CCDC178: variants seen among roughly 807,000 people sequenced by gnomAD.
CCDC178 encodes coiled-coil domain containing 178.
Under a neutral mutation model 117.4 loss-of-function variants are expected in CCDC178, and 126 were observed. The observed-to-expected ratio is 1.07, with a 90% CI of 0.93 to 1.24. The LOEUF is 1.24. CCDC178 is among the 50% of genes most tolerant of loss of function. The probability of loss-of-function intolerance (pLI) is 0.00; values close to 1 mark genes in which losing one functional copy is unlikely to be tolerated. For missense variants in CCDC178, 1,030 were observed against 986.9 expected, an observed-to-expected ratio of 1.04 and a Z score of -0.59; for synonymous variants, 283 against 313.4, an observed-to-expected ratio of 0.90 and a Z score of 1.02.
chr18:33,224,664 T>C, intron 17 of CCDC178, 111 bp downstream of exon 17: 2 of 617,392 alleles, frequency 3.2e-6, no homozygotes, highest in Non-Finnish European at 5.0e-6. Flanking sequence ...AGTTACTTAG[T>C]TTGCCCCTAT....
chr18:33,309,590 T>C (rs1271612897), intron 11 of CCDC178, among the ~76,000 whole-genome samples: 3 of 152,262 alleles, frequency 2.0e-5, no homozygotes, highest in East Asian at 3.9e-4. Flanking sequence ...AATTACGAAG[T>C]GGTTTCATCT....
intron 5 of CCDC178, among the ~76,000 whole-genome samples, chr18:33,374,486 C>T (rs1435794859): frequency 6.6e-6 from 1 of 152,058 alleles, no homozygotes; most frequent in Non-Finnish European, 1.5e-5. Flanking sequence ...GTTTGCAATG[C>T]CCAGTATCAG....
At chr18:33,057,985 AAAAG>A in intron 21 of CCDC178, among the ~76,000 whole-genome samples, 1 of 152,200 alleles carries the variant, frequency 6.6e-6, no homozygotes, top group East Asian at 1.9e-4. Context: ...CTAAAATAAA[AAAAG>A]AGAGACAATA....
intron 20 of CCDC178, among the ~76,000 whole-genome samples, chr18:33,165,660 G>A (rs572084635): frequency 6.6e-6 from 1 of 152,148 alleles, no homozygotes; most frequent in Admixed American, 6.5e-5. Context: ...TATGTCAAAT[G>A]GTTTAGTCTG....
intron 18 of CCDC178, among the ~76,000 whole-genome samples, chr18:33,219,476 C>T (rs1194349175): frequency 3.9e-5 from 6 of 152,092 alleles, no homozygotes; most frequent in African/African-American, 4.8e-5. Context: ...CACATTCACA[C>T]GTATGTTTAT....
At chr18:32,955,991 T>C (rs1277375127) in intron 22 of CCDC178, among the ~76,000 whole-genome samples, 1 of 152,218 alleles carries the variant, frequency 6.6e-6, no homozygotes, top group Non-Finnish European at 1.5e-5. Flanking sequence ...TCCTGATACA[T>C]ATTTAAAAGG....
At chr18:33,246,312 A>G (rs2059547785) in intron 14 of CCDC178, among the ~76,000 whole-genome samples, 2 of 151,716 alleles carry the variant, frequency 1.3e-5, no homozygotes, top group South Asian at 4.1e-4. Context: ...TCACTCTCAG[A>G]ATGTGGTTCA....
At chr18:33,306,412 T>TGTG (rs1555681313) in intron 11 of CCDC178, among the ~76,000 whole-genome samples, 1 of 126,252 alleles carries the variant, frequency 7.9e-6, no homozygotes, top group Non-Finnish European at 1.6e-5. Flanking sequence ...TATTGGATCT[T>TGTG]TGTGTGTGTG....
chr18:33,402,476 C>A (rs1264557483), intron 3 of CCDC178, among the ~76,000 whole-genome samples: 1 of 152,134 alleles, frequency 6.6e-6, no homozygotes, highest in African/African-American at 2.4e-5. Flanking sequence ...TTTTTGCAAG[C>A]CTCATTCCTA....
At chr18:33,040,396 G>C (rs1213578363) in intron 21 of CCDC178, among the ~76,000 whole-genome samples, 1 of 151,596 alleles carries the variant, frequency 6.6e-6, no homozygotes, top group Admixed American at 6.6e-5. Context: ...ATGTATAATT[G>C]GAGTCTCTGA....
chr18:33,064,739 G>C (rs1355412234), intron 21 of CCDC178, among the ~76,000 whole-genome samples: 3 of 152,240 alleles, frequency 2.0e-5, no homozygotes, highest in Middle Eastern at 6.8e-3. Context: ...AATGGAATCA[G>C]TATGTTGAAG....
intron 22 of CCDC178, among the ~76,000 whole-genome samples, chr18:32,942,862 GC>G (rs778730168): frequency 8.5e-5 from 13 of 152,244 alleles, no homozygotes; most frequent in Non-Finnish European, 1.3e-4. Flanking sequence ...ACTCAAGATT[GC>G]ATAGCTGAGT....
intron 11 of CCDC178, among the ~76,000 whole-genome samples, chr18:33,300,458 A>G (rs892524454): frequency 6.6e-6 from 1 of 152,228 alleles, no homozygotes; most frequent in Non-Finnish European, 1.5e-5. Flanking sequence ...AGGAGTTTAG[A>G]GAGCTCAGAA....
chr18:33,390,331 A>C (rs1260839035), intron 4 of CCDC178, among the ~76,000 whole-genome samples: 1 of 152,054 alleles, frequency 6.6e-6, no homozygotes, highest in Non-Finnish European at 1.5e-5. Context: ...CTCCAGTCCT[A>C]AGCTTTTAAC....
intron 14 of CCDC178, among the ~76,000 whole-genome samples, chr18:33,262,032 G>T (rs1000215521): frequency 5.9e-5 from 9 of 151,958 alleles, no homozygotes; most frequent in Admixed American, 3.3e-4. Flanking sequence ...ACCAAACTAT[G>T]GGTTAGTAGA....
chr18:33,078,670 T>C (rs2057250317), intron 21 of CCDC178, among the ~76,000 whole-genome samples: 1 of 151,922 alleles, frequency 6.6e-6, no homozygotes, highest in African/African-American at 2.4e-5. Flanking sequence ...ATGAACACAA[T>C]CCCATTCACA....
At position 33,439,982 on chromosome 18, in the gene CCDC178, C is replaced by G. The variant is rs1177310739; in HGVS notation, c.-43G>C. The G allele has an allele frequency of 6.6e-6, 1 of 152,036 alleles. No individual in the cohort carries two copies. Among genetic ancestry groups the G allele is most frequent in the African/African-American group, 2.4e-5 (1 of 41,392 alleles). The allele number at this position is 152,036 out of a possible 1,614,324, so 9.4% of individuals were successfully genotyped here. ...CTCACCTGTAAAGGGGAGGTGTTGG[C>G]GTGGATCATCTTATTTGGGGTGCTT... On this transcript the variant is annotated 5_prime_UTR_variant, in exon 2 of 23. Coordinates refer to ENST00000383096, the MANE Select transcript of CCDC178 (RefSeq NM_001105528.4).
chr18:33,197,641 T>A (rs1439800738), intron 20 of CCDC178, among the ~76,000 whole-genome samples: 9 of 139,484 alleles, frequency 6.5e-5, no homozygotes, highest in East Asian at 6.1e-4. Context: ...AAAAAAAAAA[T>A]ACTTATGCTC....
chr18:33,229,953 A>G (rs952797966), intron 15 of CCDC178, among the ~76,000 whole-genome samples: 6 of 152,164 alleles, frequency 3.9e-5, no homozygotes, highest in Non-Finnish European at 7.3e-5. Flanking sequence ...AGCTGCTGAG[A>G]AAAAGCCAGG....
Sources: allele counts gnomAD v4.1 joint callset (sites outside exome capture counted in the v4.1 genomes callset), GRCh38; gene constraint gnomAD v4.1.1; transcripts MANE v1.5; gene names NCBI Gene and HGNC (gene_info 2026-07-23, HGNC 2026-07-21).